KCNIP4: variants seen among roughly 807,000 people sequenced by gnomAD.
KCNIP4 encodes Kv channel-interacting protein 4.
Under a neutral mutation model 34.0 loss-of-function variants are expected in KCNIP4, and 12 were observed. That is an observed-to-expected ratio of 0.35 (90% CI 0.23 to 0.57). The LOEUF (loss-of-function observed/expected upper bound fraction) is 0.57. Ranked by LOEUF, KCNIP4 falls within the 20% of genes least tolerant of loss-of-function variation. The probability of loss-of-function intolerance (pLI) is 0.83; values close to 1 mark genes in which losing one functional copy is unlikely to be tolerated. For synonymous variants in KCNIP4, 124 were observed against 102.2 expected (o/e 1.21, Z -1.29); for missense variants, 238 against 311.7 (o/e 0.76, Z 1.78).
At chr4:21,106,149 T>G (rs923970182) in intron 1 of KCNIP4, among the ~76,000 whole-genome samples, 7 of 151,630 alleles carry the variant, frequency 4.6e-5, no homozygotes, top group African/African-American at 1.5e-4. Flanking sequence ...TTCTATTGAT[T>G]GGAATAGTTT....
chr4:21,151,686 AATTTTGAGGGGCACG>A (rs1390315946), intron 1 of KCNIP4, among the ~76,000 whole-genome samples: 4 of 151,936 alleles, frequency 2.6e-5, no homozygotes, highest in African/African-American at 7.2e-5. Context: ...TCAGCATATT[AATTTTGAGGGGCACG>A]ATTCAGTCCA....
At chr4:21,912,510 G>A (rs544537918) in intron 1 of KCNIP4, among the ~76,000 whole-genome samples, 101 of 152,078 alleles carry the variant, frequency 6.6e-4, no homozygotes, top group Admixed American at 1.8e-3. Context: ...AAGTCAAATC[G>A]ATGTTAGAGC....
At chr4:21,548,059 C>A (rs1490484554) in intron 1 of KCNIP4, among the ~76,000 whole-genome samples, 2 of 152,008 alleles carry the variant, frequency 1.3e-5, no homozygotes, top group African/African-American at 4.8e-5. Context: ...TTTATTCACA[C>A]ATAAGTACTT....
intron 1 of KCNIP4, among the ~76,000 whole-genome samples, chr4:21,820,583 T>C (rs1454757322): frequency 6.6e-6 from 1 of 152,094 alleles, no homozygotes; most frequent in African/African-American, 2.4e-5. Context: ...TTCTGCTACC[T>C]TCCTCTGCCA....
At chr4:21,245,035 C>A (rs1048996034) in intron 1 of KCNIP4, among the ~76,000 whole-genome samples, 1 of 152,094 alleles carries the variant, frequency 6.6e-6, no homozygotes, top group Non-Finnish European at 1.5e-5. Flanking sequence ...CTATCGTATA[C>A]GAGTAACAAC....
chr4:20,997,191 T>C (rs1014381294), intron 1 of KCNIP4, among the ~76,000 whole-genome samples: 20 of 151,922 alleles, frequency 1.3e-4, no homozygotes, highest in African/African-American at 4.6e-4. Flanking sequence ...CATCTGGTAA[T>C]AGCGCAAATA....
chr4:21,273,984 T>C (rs1468635928), intron 1 of KCNIP4, among the ~76,000 whole-genome samples: 3 of 152,188 alleles, frequency 2.0e-5, no homozygotes, highest in African/African-American at 7.2e-5. Context: ...ACAGGTGTGC[T>C]TATTAAATTA....
At chr4:21,539,171 A>G (rs1737472819) in intron 1 of KCNIP4, among the ~76,000 whole-genome samples, 1 of 152,176 alleles carries the variant, frequency 6.6e-6, no homozygotes, top group African/African-American at 2.4e-5. Context: ...TTATTTATAA[A>G]TTACCCAGTC....
chr4:20,817,464 A>G (rs978046587), intron 3 of KCNIP4, among the ~76,000 whole-genome samples: 2 of 152,100 alleles, frequency 1.3e-5, no homozygotes, highest in African/African-American at 2.4e-5. Context: ...AATGCCTGCA[A>G]TGCCCCCTCT....
At chr4:21,732,958 T>C (rs1393007278) in intron 1 of KCNIP4, among the ~76,000 whole-genome samples, 2 of 152,198 alleles carry the variant, frequency 1.3e-5, no homozygotes, top group Non-Finnish European at 2.9e-5. Context: ...AAAAGTATAT[T>C]GATATTAAAG....
chr4:21,568,687 G>A (rs562619416), intron 1 of KCNIP4, among the ~76,000 whole-genome samples: 4 of 152,214 alleles, frequency 2.6e-5, no homozygotes, highest in Non-Finnish European at 5.9e-5. Context: ...CCAGTGCTTT[G>A]CCAGGGGCTC....
At chr4:20,755,424 T>C (rs1484457387) in intron 4 of KCNIP4, among the ~76,000 whole-genome samples, 1 of 152,222 alleles carries the variant, frequency 6.6e-6, no homozygotes, top group Non-Finnish European at 1.5e-5. Context: ...TGTACAGTGA[T>C]AGCCAGCCAC....
At chr4:20,860,326 G>T (rs6844178) in intron 2 of KCNIP4, among the ~76,000 whole-genome samples, 90,227 of 151,794 alleles carry the variant, frequency 0.59, 28,260 homozygotes, top group African/African-American at 0.79. Context: ...TTAGTAGAGA[G>T]GGGGTTTCAC....
intron 1 of KCNIP4, among the ~76,000 whole-genome samples, chr4:20,937,225 T>TC (rs1374384932): frequency 1.1e-5 from 1 of 94,104 alleles, no homozygotes. Context: ...AAGGAGTCTT[T>TC]TTTTTTTTTT....
chr4:20,969,085 T>G (rs1462480368), intron 1 of KCNIP4, among the ~76,000 whole-genome samples: 2 of 152,170 alleles, frequency 1.3e-5, no homozygotes, highest in Non-Finnish European at 1.5e-5. Flanking sequence ...TCCTCCTAAA[T>G]ACAGACCCAG....
At chr4:20,818,076 T>C (rs1222133564) in intron 3 of KCNIP4, among the ~76,000 whole-genome samples, 3 of 152,214 alleles carry the variant, frequency 2.0e-5, no homozygotes, top group Admixed American at 6.5e-5. Flanking sequence ...GTGCAAGTTA[T>C]ATGGCCTCCA....
At chr4:21,715,147 C>G (rs1714254489) in intron 1 of KCNIP4, among the ~76,000 whole-genome samples, 1 of 150,204 alleles carries the variant, frequency 6.7e-6, no homozygotes, top group Admixed American at 6.7e-5. Flanking sequence ...GTGGCCCCAT[C>G]TGGGCTCACT....
At chr4:20,843,144 G>T (rs1450238078) in intron 3 of KCNIP4, among the ~76,000 whole-genome samples, 2 of 152,082 alleles carry the variant, frequency 1.3e-5, no homozygotes, top group Non-Finnish European at 2.9e-5. Context: ...CAGGCCTAAA[G>T]TGATCCAGCC....
At chr4:21,046,741 G>A (rs1389554846) in intron 1 of KCNIP4, among the ~76,000 whole-genome samples, 2 of 152,012 alleles carry the variant, frequency 1.3e-5, no homozygotes, top group Admixed American at 6.6e-5. Context: ...ACAGGCACGC[G>A]CAACCACGCC....
Sources: allele counts gnomAD v4.1 joint callset (sites outside exome capture counted in the v4.1 genomes callset), GRCh38; gene constraint gnomAD v4.1.1; transcripts MANE v1.5; gene names NCBI Gene and HGNC (gene_info 2026-07-23, HGNC 2026-07-21).